The following FRYL variants were observed in gnomAD, a reference collection of about 807,000 sequenced individuals.
FRYL encodes FRY like transcription coactivator.
A neutral mutation model predicts 351.2 loss-of-function variants in FRYL; 150 were observed. That is an observed-to-expected ratio of 0.43 (90% confidence interval 0.37 to 0.49). FRYL has a LOEUF of 0.49. Among genes scored for constraint, FRYL ranks in the 20% least tolerant of loss-of-function variants. FRYL has a pLI of 0.00. For synonymous variants in FRYL, 1,153 were observed against 1,257.1 expected, an observed-to-expected ratio of 0.92 and a Z score of 1.75; for missense variants, 3,036 against 3,619.3, an observed-to-expected ratio of 0.84 and a Z score of 4.13.
chr4:48,566,730 T>C (rs749558907), intron 28 of FRYL, among the ~76,000 whole-genome samples: 4 of 152,212 alleles, frequency 2.6e-5, no homozygotes, highest in African/African-American at 7.2e-5. Context: ...CTTCTTACAG[T>C]TGTAAATAAT....
chr4:48,687,878 G>A (rs1296452854), intron 2 of FRYL, among the ~76,000 whole-genome samples: 1 of 152,054 alleles, frequency 6.6e-6, no homozygotes, highest in Non-Finnish European at 1.5e-5. Flanking sequence ...AAGGAAAAAC[G>A]ACTTAATTAG....
In FRYL at chr4:48,521,248, T is replaced by C. The variant is rs192222341; in HGVS notation, c.7522-33A>G. ...GAGAAAGAGTAAAATAAGGAATTCA[T>C]TTATGAGTCAAAAGCCACAGGAAAC... On this transcript the variant is annotated intron_variant, in intron 54 of 63. Transcript: ENST00000358350. 278 of 1,509,570 alleles carry C rather than the reference T, an allele frequency of 1.8e-4. No homozygotes were observed. The African/African-American group carries it at 3.5e-3, about 19-fold the overall frequency. The allele number at this position is 1,509,570 out of a possible 1,614,324, so 93.5% of individuals were successfully genotyped here.
chr4:48,777,468 A>C (rs190306687), intron 1 of FRYL, among the ~76,000 whole-genome samples: 1 of 152,360 alleles, frequency 6.6e-6, no homozygotes, highest in East Asian at 1.9e-4. Context: ...AAAAGGTCCG[A>C]GGTGATACAG....
At chr4:48,566,757 T>C (rs929317129) in intron 28 of FRYL, among the ~76,000 whole-genome samples, 5 of 152,224 alleles carry the variant, frequency 3.3e-5, no homozygotes, top group Admixed American at 1.3e-4. Flanking sequence ...TTTAAAAATG[T>C]AATTGTGTAT....
rs1273105925 is a variant in FRYL, at chr4:48,531,386, A to G, written c.6706-33T>C. The G allele has an allele frequency of 3.0e-6, 4 of 1,348,366 alleles. No individual in the cohort carries two copies. The East Asian group carries it at 9.2e-5, about 31-fold the overall frequency. 83.5% of individuals were successfully genotyped at this position (1,348,366 alleles called of 1,614,324 possible). On this transcript the variant is annotated intron_variant, in intron 49 of 63. Coordinates refer to ENST00000358350, the MANE Select transcript of FRYL (RefSeq NM_015030.2). ...AAAAAATAATTGACACGTAAAAGTT[A>G]CAAATGCACATTCAACTAAGAACAA...
chr4:48,694,250 C>A (rs1032168990), intron 2 of FRYL, among the ~76,000 whole-genome samples: 11 of 151,530 alleles, frequency 7.3e-5, no homozygotes, highest in African/African-American at 2.7e-4. Flanking sequence ...TTTCTAAAAT[C>A]TTTTCACTTC....
intron 1 of FRYL, among the ~76,000 whole-genome samples, chr4:48,731,653 T>A (rs1770737953): frequency 6.6e-6 from 1 of 152,162 alleles, no homozygotes; most frequent in Non-Finnish European, 1.5e-5. Flanking sequence ...ATCTGATCTT[T>A]GACAAACCTG....
At chr4:48,507,618 C>T (rs535317014) in intron 59 of FRYL, among the ~76,000 whole-genome samples, 18 of 152,252 alleles carry the variant, frequency 1.2e-4, no homozygotes, top group Admixed American at 9.8e-4. Context: ...TTCATATTCA[C>T]GTCCCTGCGC....
At chr4:48,598,774 C>T in intron 13 of FRYL, 2 of 806,492 alleles carry the variant, frequency 2.5e-6, no homozygotes, top group Non-Finnish European at 3.0e-6. Context: ...AAAACAAATG[C>T]CACGCTTAAA....
Position 48,531,262 on chromosome 4 carries a change from T to C in FRYL, c.6797A>G (p.Tyr2266Cys), listed in dbSNP as rs886785553. The change falls in exon 50 of 64, where the codon TAT becomes TGT. Residue 2266 changes from tyrosine (Y) to cysteine (C), a missense_variant. By Grantham distance (194) the Tyr-to-Cys change is radical (BLOSUM62 -2). Coordinates refer to ENST00000358350, the MANE Select transcript of FRYL (RefSeq NM_015030.2). ...TTCAGGAGAACCTGTATCTCCTCCATAGGTCTTGGGGATATCACTGGGTAC... is the reference window on the plus strand; with the variant it reads ...TTCAGGAGAACCTGTATCTCCTCCACAGGTCTTGGGGATATCACTGGGTAC... ...LVVPSDIPKT[Y>C]GGDTGSPEIS... is the part of the protein sequence containing the mutation. 4 of 1,612,350 alleles carry C rather than the reference T, an allele frequency of 2.5e-6. No homozygotes were observed. Among genetic ancestry groups the C allele is most frequent in the African/African-American group, 1.3e-5 (1 of 74,864 alleles).
intron 1 of FRYL, among the ~76,000 whole-genome samples, chr4:48,712,975 A>C (rs1768280089): frequency 6.6e-6 from 1 of 152,170 alleles, no homozygotes; most frequent in African/African-American, 2.4e-5. Context: ...TATCCAGCCA[A>C]ACTAAGCTTC....
intron 1 of FRYL, among the ~76,000 whole-genome samples, chr4:48,758,037 A>G (rs1773985336): frequency 6.6e-6 from 1 of 152,356 alleles, no homozygotes; most frequent in South Asian, 2.1e-4. Context: ...AACCATATGT[A>G]GAAAGCTGAA....
At position 48,584,353 on chromosome 4, in the gene FRYL, T is replaced by C. The variant is rs543210772; in HGVS notation, c.1749-1619A>G. On this transcript the variant is annotated intron_variant, in intron 19 of 63. Coordinates refer to ENST00000358350, the MANE Select transcript of FRYL (RefSeq NM_015030.2). ...TGGTTTAGGAGAAAGGAGATATAAG[T>C]ATTCACCCTGCTGAACTCAGTTCTA... Among the ~76,000 whole-genome samples the C allele has an allele frequency of 3.9e-5, 6 of 152,302 alleles. No homozygotes were observed. In the East Asian group the frequency reaches 9.6e-4, roughly 24 times the overall value.
chr4:48,642,278 TG>T (rs1755485513), intron 3 of FRYL, among the ~76,000 whole-genome samples: 1 of 152,170 alleles, frequency 6.6e-6, no homozygotes, highest in South Asian at 2.1e-4. Context: ...CAAACTTACT[TG>T]AAAAAAACTT....
At chr4:48,666,759 A>C (rs1482210415) in intron 3 of FRYL, among the ~76,000 whole-genome samples, 2 of 152,068 alleles carry the variant, frequency 1.3e-5, no homozygotes, top group Non-Finnish European at 1.5e-5. Flanking sequence ...GTTTTTTTTT[A>C]AAGTTTCTTC....
intron 3 of FRYL, chr4:48,653,976 G>A (rs1758261854): frequency 1.8e-6 from 2 of 1,131,758 alleles, no homozygotes; most frequent in Non-Finnish European, 2.2e-6. Flanking sequence ...CAACTATAGT[G>A]GAAATGCCGC....
chr4:48,774,572 A>G (rs1479710737), intron 1 of FRYL, among the ~76,000 whole-genome samples: 1 of 151,368 alleles, frequency 6.6e-6, no homozygotes, highest in East Asian at 1.9e-4. Context: ...TGGAGAAGGA[A>G]TCTTGCTCTG....
At chr4:48,586,986 T>C (rs1045079709) in intron 18 of FRYL, among the ~76,000 whole-genome samples, 1 of 151,930 alleles carries the variant, frequency 6.6e-6, no homozygotes, top group African/African-American at 2.4e-5. Flanking sequence ...CATTATTACA[T>C]AACAAATATT....
At chr4:48,592,952 T>C (rs1258247412) in intron 16 of FRYL, among the ~76,000 whole-genome samples, 1 of 152,138 alleles carries the variant, frequency 6.6e-6, no homozygotes, top group African/African-American at 2.4e-5. Flanking sequence ...ATAACACCTA[T>C]TTTGCCTTTT....
Sources: gnomAD v4.1 joint callset for allele counts (sites outside exome capture counted in the v4.1 genomes callset) on GRCh38, gnomAD v4.1.1 for gene constraint, MANE v1.5 for transcripts, NCBI Gene and HGNC (gene_info 2026-07-23, HGNC 2026-07-21) for gene names.